The following TMC1 variants were observed in gnomAD, a reference collection of about 807,000 sequenced individuals.
TMC1 encodes the protein transmembrane channel like 1, also known as transmembrane channel-like protein 1.
In TMC1, 84 loss-of-function variants were observed where a neutral mutation model predicts 105.8. That is an observed-to-expected ratio of 0.79 (90% CI 0.67 to 0.95). The LOEUF is 0.95. Among genes scored for constraint, TMC1 ranks in the 40% least tolerant of loss-of-function variants. The pLI, the probability that TMC1 is intolerant of heterozygous loss-of-function variation, is 0.00. For synonymous variants in TMC1, 315 were observed against 311.5 expected, an observed-to-expected ratio of 1.01 and a Z score of -0.12; for missense variants, 817 against 914.1, an observed-to-expected ratio of 0.89 and a Z score of 1.37.
At chr9:72,607,488 G>A (rs543761737) in intron 2 of TMC1, among the ~76,000 whole-genome samples, 9 of 151,904 alleles carry the variant, frequency 5.9e-5, no homozygotes, top group East Asian at 1.9e-4. Context: ...GTGTGGTGGC[G>A]GGCGCCTGTA....
At chr9:72,744,252 A>T (rs1378677274) in intron 10 of TMC1, among the ~76,000 whole-genome samples, 1 of 152,162 alleles carries the variant, frequency 6.6e-6, no homozygotes, top group African/African-American at 2.4e-5. Flanking sequence ...TATATCTTTA[A>T]TTTAATTTTT....
intron 1 of TMC1, among the ~76,000 whole-genome samples, chr9:72,573,242 G>A (rs964808348): frequency 6.6e-6 from 1 of 151,944 alleles, no homozygotes; most frequent in African/African-American, 2.4e-5. Context: ...TCTTTTTCAC[G>A]TTTATCCCTC....
chr9:72,548,566 TAAAAAA>T (rs778291472), intron 1 of TMC1, among the ~76,000 whole-genome samples: 1 of 132,060 alleles, frequency 7.6e-6, no homozygotes, highest in Non-Finnish European at 1.7e-5. Flanking sequence ...GACTCTGTCT[TAAAAAA>T]AAAAAAAAAA....
At chr9:72,788,847 T>A (rs1230948763) in intron 14 of TMC1, among the ~76,000 whole-genome samples, 2 of 152,176 alleles carry the variant, frequency 1.3e-5, no homozygotes, top group Non-Finnish European at 2.9e-5. Context: ...TTTGTAGTTT[T>A]TTTTTTAATT....
intron 1 of TMC1, among the ~76,000 whole-genome samples, chr9:72,530,601 AC>A (rs1203416094): frequency 3.3e-5 from 5 of 149,876 alleles, no homozygotes; most frequent in African/African-American, 1.2e-4. Flanking sequence ...AAAAAAAAAA[AC>A]CTTCTCAAGG....
intron 12 of TMC1, among the ~76,000 whole-genome samples, chr9:72,770,312 A>G (rs1827904675): frequency 6.7e-6 from 1 of 148,336 alleles, no homozygotes; most frequent in Non-Finnish European, 1.5e-5. Flanking sequence ...AATTTATTAT[A>G]TCAATCTAGT....
chr9:72,664,144 G>A (rs546668280), intron 5 of TMC1, among the ~76,000 whole-genome samples: 58 of 152,296 alleles, frequency 3.8e-4, no homozygotes, highest in African/African-American at 1.3e-3. Flanking sequence ...CTAAAATAAC[G>A]ATTAAGAGTA....
chr9:72,641,706 C>G (rs574263652), intron 4 of TMC1, among the ~76,000 whole-genome samples: 1 of 150,942 alleles, frequency 6.6e-6, no homozygotes, highest in South Asian at 2.1e-4. Context: ...TGATCTCCTT[C>G]GTTTTCTTTC....
chr9:72,755,067 GGAGGGA>G lies in TMC1; in HGVS notation c.741+187_741+192del, dbSNP rs1401694881. ...GAGAGAGAGAGAGGGAGGGAGGGAG[GGAGGGA>G]GAGAGAGAGAGAGAGAGAGAGAGAA... is the stretch of plus-strand genomic sequence containing the variant. On this transcript the variant is annotated intron_variant, in intron 12 of 23. Transcript: ENST00000297784. 9.9e-4 allele frequency among the ~76,000 whole-genome samples: 103 copies of G among 103,524 alleles called. 1 individual carries two copies. The highest frequency in any genetic ancestry group is 2.6e-3 in the African/African-American group (63 of 24,152). The allele number at this position is 103,524 out of a possible 152,430, so 67.9% of individuals were successfully genotyped here.
chr9:72,759,734 C>T (rs1827726282), intron 12 of TMC1, among the ~76,000 whole-genome samples: 1 of 152,210 alleles, frequency 6.6e-6, no homozygotes, highest in Non-Finnish European at 1.5e-5. Context: ...AATAGAGGTG[C>T]TCTTCGATAT....
chr9:72,587,357 C>G (rs891717993), intron 2 of TMC1, among the ~76,000 whole-genome samples: 6 of 152,142 alleles, frequency 3.9e-5, no homozygotes, highest in Non-Finnish European at 7.3e-5. Context: ...GAGGTTTTAC[C>G]ATGTTGGCCG....
intron 5 of TMC1, among the ~76,000 whole-genome samples, chr9:72,661,811 G>A (rs934698782): frequency 3.9e-5 from 6 of 152,192 alleles, no homozygotes; most frequent in African/African-American, 1.4e-4. Context: ...AAAAGTCCAA[G>A]GATGAGGTGA....
intron 2 of TMC1, among the ~76,000 whole-genome samples, chr9:72,615,564 T>G (rs1825112337): frequency 6.6e-6 from 1 of 152,198 alleles, no homozygotes; most frequent in Non-Finnish European, 1.5e-5. Context: ...AAATGAGAGA[T>G]TACATTAAGT....
At chr9:72,551,160 G>A (rs958581570) in intron 1 of TMC1, among the ~76,000 whole-genome samples, 2 of 152,112 alleles carry the variant, frequency 1.3e-5, no homozygotes, top group Non-Finnish European at 2.9e-5. Context: ...TAAAAGAAGG[G>A]TGGTCCTTCT....
chr9:72,737,362 C>T (rs1280077569), intron 8 of TMC1, among the ~76,000 whole-genome samples: 4 of 152,184 alleles, frequency 2.6e-5, no homozygotes, highest in South Asian at 2.1e-4. Flanking sequence ...AACACGTTCA[C>T]ATCTATGATC....
intron 8 of TMC1, among the ~76,000 whole-genome samples, chr9:72,714,734 G>A (rs1826890935): frequency 6.6e-6 from 1 of 152,172 alleles, no homozygotes; most frequent in Non-Finnish European, 1.5e-5. Context: ...GCCAGTCTGT[G>A]TCTTTTAATT....
chr9:72,722,123 T>C (rs1414689847), intron 8 of TMC1, among the ~76,000 whole-genome samples: 1 of 152,182 alleles, frequency 6.6e-6, no homozygotes, highest in Non-Finnish European at 1.5e-5. Flanking sequence ...ACACATCAAC[T>C]CATTTAATCC....
intron 10 of TMC1, among the ~76,000 whole-genome samples, chr9:72,746,549 A>G (rs1827492525): frequency 6.6e-6 from 1 of 150,786 alleles, no homozygotes; most frequent in South Asian, 2.1e-4. Context: ...CAGTATCTAG[A>G]TAATACCAAA....
At chr9:72,818,029 A>C (rs1178746471) in intron 19 of TMC1, among the ~76,000 whole-genome samples, 2 of 152,040 alleles carry the variant, frequency 1.3e-5, no homozygotes, top group Non-Finnish European at 2.9e-5. Context: ...TCCTAACCCT[A>C]GGAGGCTGAT....
Sources: allele counts gnomAD v4.1 joint callset (sites outside exome capture counted in the v4.1 genomes callset), GRCh38; gene constraint gnomAD v4.1.1; transcripts MANE v1.5; gene names NCBI Gene and HGNC (gene_info 2026-07-23, HGNC 2026-07-21).